Variants in DPP6 observed in about 807,000 individuals in gnomAD.
DPP6 encodes A-type potassium channel modulatory protein DPP6.
DPP6 carries 69 observed loss-of-function variants against 122.6 expected under a neutral mutation model. The observed-to-expected ratio is 0.56, with a 90% CI of 0.46 to 0.69. DPP6 has a LOEUF of 0.69. Among genes scored for constraint, DPP6 ranks in the 30% least tolerant of loss-of-function variants. The pLI is 0.00. For missense variants in DPP6, 928 were observed against 1,116.9 expected (o/e 0.83, Z 2.41); for synonymous variants, 418 against 433.1 (o/e 0.97, Z 0.43).
At chr7:154,346,450 G>A (rs552361761) in intron 1 of DPP6, among the ~76,000 whole-genome samples, 1 of 152,184 alleles carries the variant, frequency 6.6e-6, no homozygotes, top group Middle Eastern at 3.4e-3. Context: ...GGGATTACAG[G>A]CACTCACCAC....
At chr7:153,852,758 G>T in the DPP6 span, among the ~76,000 whole-genome samples, 1 of 152,188 alleles carries the variant, frequency 6.6e-6, no homozygotes, top group African/African-American at 2.4e-5. Context: ...GTGAAAGTTA[G>T]TATTAATCCT....
At chr7:153,992,980 C>G (rs1022738134) in intron 1 of DPP6, among the ~76,000 whole-genome samples, 2 of 151,956 alleles carry the variant, frequency 1.3e-5, no homozygotes, top group Non-Finnish European at 2.9e-5. Flanking sequence ...AGCTCTCTCC[C>G]CCTACCTCCT....
In DPP6 at chr7:154,071,043, G is replaced by GT. The variant is rs935989854; in HGVS notation, c.243+17986dup. On this transcript the variant is annotated intron_variant, in intron 1 of 25. Transcript: ENST00000377770. ...TATGTGCATGCATGCTATTTTATTT[G>GT]TTTTTTGCTGATAAAGGTGGAATGA... Among the ~76,000 whole-genome samples the GT allele has an allele frequency of 3.3e-3, 498 of 152,162 alleles. 3 individuals carry two copies. Among genetic ancestry groups the GT allele is most frequent in the African/African-American group, 0.012 (480 of 41,504 alleles).
the DPP6 span, among the ~76,000 whole-genome samples, chr7:153,812,908 T>TA: frequency 6.6e-6 from 1 of 151,886 alleles, no homozygotes; most frequent in African/African-American, 2.4e-5. Context: ...AGATTTATTT[T>TA]AAAAAAAGAG....
At chr7:154,871,311 G>T (rs556493459) in intron 18 of DPP6, among the ~76,000 whole-genome samples, 2 of 152,178 alleles carry the variant, frequency 1.3e-5, no homozygotes, top group African/African-American at 2.4e-5. Flanking sequence ...TTCCTTAAAA[G>T]GTGGGTGGGT....
chr7:154,656,978 A>T (rs142835774), intron 6 of DPP6, among the ~76,000 whole-genome samples: 1 of 5,594 alleles, frequency 1.8e-4, no homozygotes, highest in Non-Finnish European at 6.1e-4. Context: ...AGGTGCCCAG[A>T]GATGGGTGGA....
chr7:153,763,755 CAA>C, the DPP6 span, among the ~76,000 whole-genome samples: 3 of 152,142 alleles, frequency 2.0e-5, no homozygotes, highest in Admixed American at 1.3e-4. Flanking sequence ...ATGGGAGAGA[CAA>C]GAGCTCAGAC....
chr7:154,748,177 T>C (rs1843126877), intron 8 of DPP6, among the ~76,000 whole-genome samples: 1 of 152,110 alleles, frequency 6.6e-6, no homozygotes. Context: ...CAGAAAAGGG[T>C]GATGGGCATC....
intron 7 of DPP6, among the ~76,000 whole-genome samples, chr7:154,718,257 T>C: frequency 6.6e-6 from 1 of 151,298 alleles, no homozygotes; most frequent in East Asian, 1.9e-4. Flanking sequence ...TAGTTTACTG[T>C]AATCGCCTTT....
In DPP6 at chr7:154,760,589, T is replaced by G. The variant is rs1305373486; in HGVS notation, c.884-8828T>G. Among the ~76,000 whole-genome samples, 2 of 152,210 alleles carry G rather than the reference T, an allele frequency of 1.3e-5. No homozygotes were observed. The highest frequency in any genetic ancestry group is 4.8e-5 in the African/African-American group (2 of 41,454). ...TTTCATTATTAGGATGCTTGCTTAT[T>G]TCTTGTCTCTTGAGCAACTGAGTGG... On this transcript the variant is annotated intron_variant, in intron 8 of 25. Coordinates refer to ENST00000377770, the MANE Select transcript of DPP6 (RefSeq NM_130797.4). This position sits in a 1 kb window ranked among gnomAD's most constrained non-coding sequence, Gnocchi z 4.5.
chr7:153,960,664 C>T (rs1019865175), intron 1 of DPP6, among the ~76,000 whole-genome samples: 18 of 99,124 alleles, frequency 1.8e-4, no homozygotes, highest in South Asian at 1.1e-3. Context: ...CATGTGTGTG[C>T]GGGTGTGTAT....
chr7:154,339,713 A>G (rs1015277953), intron 1 of DPP6, among the ~76,000 whole-genome samples: 1 of 152,152 alleles, frequency 6.6e-6, no homozygotes, highest in African/African-American at 2.4e-5. Context: ...CTTTGGTATG[A>G]AAGTGGCATA....
At chr7:154,190,925 T>G (rs1171425782) in intron 1 of DPP6, among the ~76,000 whole-genome samples, 1 of 152,186 alleles carries the variant, frequency 6.6e-6, no homozygotes, top group Admixed American at 6.5e-5. Flanking sequence ...ATCAGCTGTT[T>G]TCAAAGAAAA....
At chr7:154,506,620 C>G (rs147171203) in intron 3 of DPP6, among the ~76,000 whole-genome samples, 2 of 152,200 alleles carry the variant, frequency 1.3e-5, no homozygotes, top group African/African-American at 4.8e-5. Flanking sequence ...TTAAGTTCCT[C>G]CAAATAACCA....
Position 154,621,821 on chromosome 7 carries a change from C to T in DPP6, c.628-16000C>T, listed in dbSNP as rs554116594. ...TCCCTGCCCACCTCAAGTCAGGTGG[C>T]ACTTCAACCTGCTGGCAAACAGTGC... On this transcript the variant is annotated intron_variant, in intron 5 of 25. Coordinates refer to ENST00000377770, the MANE Select transcript of DPP6 (RefSeq NM_130797.4). Among the ~76,000 whole-genome samples the T allele has an allele frequency of 2.3e-4, 35 of 152,262 alleles. No individual in the cohort carries two copies. The Middle Eastern group carries it at 0.01, about 44-fold the overall frequency.
chr7:154,028,970 A>G (rs1799085884), intron 1 of DPP6, among the ~76,000 whole-genome samples: 1 of 150,278 alleles, frequency 6.7e-6, no homozygotes, highest in African/African-American at 2.5e-5. Context: ...CGACCACACC[A>G]TCCTCACACT....
chr7:154,370,362 A>C, intron 1 of DPP6, among the ~76,000 whole-genome samples: 1 of 59,904 alleles, frequency 1.7e-5, no homozygotes, highest in East Asian at 4.4e-4. Context: ...GGCCTATGGG[A>C]GGGGTGTTTA....
intron 3 of DPP6, among the ~76,000 whole-genome samples, chr7:154,504,767 A>G (rs148279892): frequency 4.6e-5 from 7 of 151,524 alleles, no homozygotes; most frequent in Non-Finnish European, 8.8e-5. Context: ...AAAAGACAAA[A>G]CGGTAATGGA....
chr7:154,372,695 A>C (rs1812777343), intron 1 of DPP6, among the ~76,000 whole-genome samples: 1 of 152,226 alleles, frequency 6.6e-6, no homozygotes, highest in Non-Finnish European at 1.5e-5. Context: ...GAGACAGCTA[A>C]AACTTTTCAT....
Sources: gnomAD v4.1 joint callset for allele counts (sites outside exome capture counted in the v4.1 genomes callset) on GRCh38, gnomAD v4.1.1 for gene constraint, Gnocchi (gnomAD v3.1) non-coding constraint, MANE v1.5 for transcripts, NCBI Gene and HGNC (gene_info 2026-07-23, HGNC 2026-07-21) for gene names.